SYCP2L: variants seen among roughly 807,000 people sequenced by gnomAD.
SYCP2L encodes the protein synaptonemal complex protein 2-like.
SYCP2L carries 98 observed loss-of-function variants against 125.8 expected under a neutral mutation model. The observed-to-expected ratio is 0.78, with a 90% CI of 0.66 to 0.92. The LOEUF is 0.92. Among genes scored for constraint, SYCP2L ranks in the 40% least tolerant of loss-of-function variants. The probability of loss-of-function intolerance (pLI) is 0.00; values close to 1 mark genes in which losing one functional copy is unlikely to be tolerated. For synonymous variants in SYCP2L, 317 were observed against 325.4 expected (o/e 0.97, Z 0.28); for missense variants, 842 against 936.4 (o/e 0.90, Z 1.32).
intron 29 of SYCP2L, among the ~76,000 whole-genome samples, chr6:10,967,235 G>C (rs1299963149): frequency 1.4e-4 from 22 of 151,842 alleles, no homozygotes; most frequent in Non-Finnish European, 8.8e-5. Context: ...AAATTTATAA[G>C]GAATAAGTAA....
intron 29 of SYCP2L, 71 bp downstream of exon 29, chr6:10,963,914 T>G (rs960357208): frequency 4.3e-6 from 5 of 1,164,086 alleles, no homozygotes; most frequent in South Asian, 1.3e-5. Flanking sequence ...CTCTAAAAGA[T>G]ACTGTAATGC....
At chr6:10,902,076 A>G (rs1265738300) in intron 6 of SYCP2L, among the ~76,000 whole-genome samples, 1 of 152,212 alleles carries the variant, frequency 6.6e-6, no homozygotes, top group Non-Finnish European at 1.5e-5. Flanking sequence ...TGAAAGGATA[A>G]ATGGGCCACC....
chr6:10,921,736 C>T (rs1446973367), intron 14 of SYCP2L, among the ~76,000 whole-genome samples: 3 of 149,992 alleles, frequency 2.0e-5, no homozygotes, highest in Non-Finnish European at 3.0e-5. Flanking sequence ...GATGGAGTCT[C>T]GCTCTGTCGC....
At chr6:10,955,004 C>A in intron 23 of SYCP2L, 112 bp from the exon 24 acceptor site, 1 of 727,976 alleles carries the variant, frequency 1.4e-6, no homozygotes. Context: ...AACTCATTAG[C>A]AACAGGCAGG....
At chr6:10,972,689 T>G (rs1037814359) in intron 29 of SYCP2L, among the ~76,000 whole-genome samples, 10 of 152,186 alleles carry the variant, frequency 6.6e-5, no homozygotes, top group Non-Finnish European at 1.3e-4. Flanking sequence ...CCTCTTTCGC[T>G]TTTTATTTAT....
intron 15 of SYCP2L, among the ~76,000 whole-genome samples, chr6:10,925,107 C>T (rs1343298753): frequency 1.3e-5 from 2 of 152,168 alleles, no homozygotes; most frequent in African/African-American, 4.8e-5. Context: ...GGAGGCTTCA[C>T]AATCATGGTA....
intron 14 of SYCP2L, among the ~76,000 whole-genome samples, chr6:10,923,883 A>G (rs984396779): frequency 3.3e-5 from 5 of 150,764 alleles, no homozygotes; most frequent in East Asian, 3.9e-4. Context: ...ACAGGGTTTC[A>G]CCGTGTTAGC....
chr6:10,934,907 C>G (rs1264270520), intron 20 of SYCP2L, 151 bp from the exon 21 acceptor site: 1 of 734,442 alleles, frequency 1.4e-6, no homozygotes, highest in Non-Finnish European at 2.1e-6. Flanking sequence ...TAAAAACACA[C>G]AGAAATTCTT....
intron 8 of SYCP2L, among the ~76,000 whole-genome samples, chr6:10,905,172 A>T (rs1478568865): frequency 6.8e-6 from 1 of 146,216 alleles, no homozygotes; most frequent in African/African-American, 2.5e-5. Flanking sequence ...AAAAAGAAGA[A>T]GATCGACTCA....
chr6:10,891,517 A>C lies in SYCP2L; in HGVS notation c.14A>C (p.Asn5Thr). ...ACATGTTTTTATTCCACACAGAAAA[A>C]CAAAGATGCTTTGCAGCCTATTAAG... MQAK[N>T]KDALQPIKED... Residue 5 changes from asparagine (N) to threonine (T), a missense_variant, in exon 2 of 30, where the codon AAC (asparagine) becomes ACC (threonine). Coordinates refer to ENST00000283141, the MANE Select transcript of SYCP2L (RefSeq NM_001040274.3). 6.3e-7 allele frequency: 1 copy of C among 1,597,084 alleles called. No homozygotes were observed. The highest frequency in any genetic ancestry group is 8.5e-7 in the Non-Finnish European group (1 of 1,170,808).
chr6:10,965,242 T>G (rs1307574817), intron 29 of SYCP2L, among the ~76,000 whole-genome samples: 1 of 151,918 alleles, frequency 6.6e-6, no homozygotes, highest in Non-Finnish European at 1.5e-5. Context: ...AGGATAGCAG[T>G]GGAGGTGGTG....
chr6:10,887,218 T>G, intron 1 of SYCP2L, 83 bp downstream of exon 1: 1 of 1,589,134 alleles, frequency 6.3e-7, no homozygotes, highest in Non-Finnish European at 8.6e-7. Context: ...GCTCAGGTTC[T>G]GCCGCCTTGA....
intron 16 of SYCP2L, among the ~76,000 whole-genome samples, chr6:10,926,918 T>C (rs2113349804): frequency 6.6e-6 from 1 of 152,250 alleles, no homozygotes; most frequent in Middle Eastern, 3.4e-3. Context: ...TAGCTGGTAC[T>C]ACAGGTGTGT....
intron 14 of SYCP2L, among the ~76,000 whole-genome samples, chr6:10,916,895 G>A (rs796527479): frequency 2.3e-4 from 35 of 152,324 alleles, no homozygotes; most frequent in African/African-American, 7.9e-4. Flanking sequence ...GGGAGGCTGA[G>A]GCAGGAAAAT....
In SYCP2L at chr6:10,936,137, G is replaced by A. The variant is rs562856017; in HGVS notation, c.1813+950G>A. 3.3e-5 allele frequency among the ~76,000 whole-genome samples: 5 copies of A among 151,920 alleles called. No homozygotes were observed. The East Asian group carries it at 7.7e-4, about 23-fold the overall frequency. On this transcript the variant is annotated intron_variant, in intron 21 of 29. Coordinates refer to ENST00000283141, the MANE Select transcript of SYCP2L (RefSeq NM_001040274.3). ...TAAGTACTTCAATAACAATCTGTTA[G>A]TGTAGCTGCCACTGGAAGAAAATAA...
intron 23 of SYCP2L, among the ~76,000 whole-genome samples, chr6:10,944,021 C>G (rs563999315): frequency 1.3e-4 from 20 of 152,300 alleles, no homozygotes; most frequent in African/African-American, 4.8e-4. Context: ...ATCATGAACT[C>G]TCTCCTGATA....
intron 6 of SYCP2L, among the ~76,000 whole-genome samples, chr6:10,901,113 C>G (rs918032300): frequency 6.6e-5 from 10 of 152,138 alleles, no homozygotes; most frequent in African/African-American, 2.4e-4. Flanking sequence ...TTATGACTTT[C>G]TTTCAATCAC....
chr6:10,903,566 A>T (rs1412753066), intron 8 of SYCP2L, among the ~76,000 whole-genome samples: 2 of 151,830 alleles, frequency 1.3e-5, no homozygotes, highest in East Asian at 1.9e-4. Context: ...ATAATAATAA[A>T]AAAAGAAACT....
At chr6:10,915,359 T>G (rs1389559777) in intron 14 of SYCP2L, among the ~76,000 whole-genome samples, 1 of 152,188 alleles carries the variant, frequency 6.6e-6, no homozygotes, top group Non-Finnish European at 1.5e-5. Flanking sequence ...GATACTATGT[T>G]GAAGAGGAGT....
Sources: gnomAD v4.1 joint callset for allele counts (sites outside exome capture counted in the v4.1 genomes callset) on GRCh38, gnomAD v4.1.1 for gene constraint, MANE v1.5 for transcripts, NCBI Gene and HGNC (gene_info 2026-07-23, HGNC 2026-07-21) for gene names.